MYO1E: variants seen among roughly 807,000 people sequenced by gnomAD.
The protein encoded by MYO1E is myosin IE.
MYO1E carries 68 observed loss-of-function variants against 151.1 expected under a neutral mutation model. The observed-to-expected ratio is 0.45, with a 90% confidence interval of 0.37 to 0.55. The LOEUF (loss-of-function observed/expected upper bound fraction) is 0.55. Among genes scored for constraint, MYO1E ranks in the 20% least tolerant of loss-of-function variants. The pLI, the probability that MYO1E is intolerant of heterozygous loss-of-function variation, is 0.00. For synonymous variants in MYO1E, 601 were observed against 501.7 expected, an observed-to-expected ratio of 1.20 and a Z score of -2.64; for missense variants, 1,363 against 1,389.3, an observed-to-expected ratio of 0.98 and a Z score of 0.30.
chr15:59,315,488 G>A (rs1215067973), intron 1 of MYO1E, among the ~76,000 whole-genome samples: 1 of 151,134 alleles, frequency 6.6e-6, no homozygotes, highest in African/African-American at 2.4e-5. Flanking sequence ...AACCACTATG[G>A]CACACGTTTA....
At chr15:59,149,775 A>T (rs2079465451) in intron 26 of MYO1E, among the ~76,000 whole-genome samples, 3 of 152,240 alleles carry the variant, frequency 2.0e-5, no homozygotes. Context: ...AGAATGTGAA[A>T]GCCAGGAAAG....
chr15:59,148,192 T>A (rs1274912990), intron 26 of MYO1E, among the ~76,000 whole-genome samples: 1 of 152,114 alleles, frequency 6.6e-6, no homozygotes, highest in African/African-American at 2.4e-5. Flanking sequence ...AGTAGAAAGA[T>A]TAAGTGACAA....
At chr15:59,327,937 C>T (rs1025672179) in intron 1 of MYO1E, among the ~76,000 whole-genome samples, 3 of 152,156 alleles carry the variant, frequency 2.0e-5, no homozygotes, top group East Asian at 1.9e-4. Flanking sequence ...GGCAAAGGAA[C>T]GTTTGCCACA....
At chr15:59,211,753 T>C (rs1442145379) in intron 12 of MYO1E, among the ~76,000 whole-genome samples, 1 of 152,210 alleles carries the variant, frequency 6.6e-6, no homozygotes, top group Non-Finnish European at 1.5e-5. Flanking sequence ...GTGATTGCTC[T>C]TTCTTTCTTG....
intron 1 of MYO1E, among the ~76,000 whole-genome samples, chr15:59,298,101 TC>T (rs1567007336): frequency 6.6e-6 from 1 of 152,188 alleles, no homozygotes; most frequent in Non-Finnish European, 1.5e-5. Flanking sequence ...TTTTCCAACT[TC>T]CCCACTGCGT....
intron 7 of MYO1E, among the ~76,000 whole-genome samples, chr15:59,226,271 T>A (rs1448241814): frequency 6.6e-6 from 1 of 152,226 alleles, no homozygotes; most frequent in Admixed American, 6.5e-5. Flanking sequence ...GCCTAAGATG[T>A]GTGTGTAATT....
intron 15 of MYO1E, among the ~76,000 whole-genome samples, chr15:59,204,553 T>A (rs1360528778): frequency 2.6e-5 from 4 of 152,146 alleles, no homozygotes; most frequent in African/African-American, 9.7e-5. Flanking sequence ...GTAAATTACA[T>A]CTTATGTGTT....
chr15:59,312,020 T>G (rs1272097954), intron 1 of MYO1E, among the ~76,000 whole-genome samples: 1 of 152,210 alleles, frequency 6.6e-6, no homozygotes, highest in Non-Finnish European at 1.5e-5. Flanking sequence ...CATTATAAAT[T>G]ACCCAGTCTG....
intron 26 of MYO1E, among the ~76,000 whole-genome samples, chr15:59,153,151 A>C (rs974791625): frequency 2.6e-5 from 4 of 152,232 alleles, no homozygotes. Flanking sequence ...AAAGCCACAA[A>C]GACCCATATT....
At chr15:59,162,659 G>GAAAAAA (rs56116339) in intron 23 of MYO1E, among the ~76,000 whole-genome samples, 2 of 120,910 alleles carry the variant, frequency 1.7e-5, no homozygotes, top group South Asian at 5.7e-4. Flanking sequence ...AAAAAAAAAA[G>GAAAAAA]AAAAAAAAAA....
rs891048280 is a variant in MYO1E at position 59,372,493 on chromosome 15, C to T, written c.3+5G>A. 6 of 1,539,648 alleles carry T rather than the reference C, an allele frequency of 3.9e-6. No individual in the cohort carries two copies. The highest frequency in any genetic ancestry group is 1.4e-5 in the African/African-American group (1 of 72,916). ...GCGTCCTAGGACGCGGCGCGGCCAA[C>T]TCACCATGGTGACTCGCGCCGCGGT... On this transcript the variant is annotated splice_donor_5th_base_variant and intron_variant, in intron 1 of 27. Transcript: ENST00000288235.
At chr15:59,229,436 T>C (rs2080012367) in intron 6 of MYO1E, among the ~76,000 whole-genome samples, 1 of 152,206 alleles carries the variant, frequency 6.6e-6, no homozygotes, top group African/African-American at 2.4e-5. Context: ...ATAATTGTCA[T>C]ATAAAAGTTA....
At chr15:59,235,095 G>A (rs1249736085) in intron 5 of MYO1E, among the ~76,000 whole-genome samples, 1 of 151,816 alleles carries the variant, frequency 6.6e-6, no homozygotes, top group Non-Finnish European at 1.5e-5. Context: ...CACCTCTTGA[G>A]TATCCTCATT....
At chr15:59,231,887 T>A in intron 5 of MYO1E, 96 bp from the exon 6 acceptor site, 2 of 1,339,026 alleles carry the variant, frequency 1.5e-6, no homozygotes, top group Non-Finnish European at 2.1e-6. Context: ...CTGAATGCAT[T>A]AAGGTGAGGG....
intron 1 of MYO1E, among the ~76,000 whole-genome samples, chr15:59,342,908 T>C (rs1250274111): frequency 6.6e-6 from 1 of 152,218 alleles, no homozygotes; most frequent in African/African-American, 2.4e-5. Context: ...ATAAAAACTC[T>C]ATAATTTTGT....
intron 1 of MYO1E, among the ~76,000 whole-genome samples, chr15:59,336,525 C>G (rs1043105063): frequency 1.3e-5 from 2 of 152,092 alleles, no homozygotes; most frequent in Non-Finnish European, 2.9e-5. Flanking sequence ...GAATTTTGGA[C>G]ATGTGTTGGA....
At chr15:59,170,458 C>G (rs1768101855) in intron 22 of MYO1E, among the ~76,000 whole-genome samples, 1 of 152,164 alleles carries the variant, frequency 6.6e-6, no homozygotes. Context: ...TGGGTTTCCA[C>G]GGCAGCCTCA....
intron 26 of MYO1E, among the ~76,000 whole-genome samples, chr15:59,143,824 T>C (rs1379550722): frequency 6.6e-6 from 1 of 152,218 alleles, no homozygotes; most frequent in Non-Finnish European, 1.5e-5. Flanking sequence ...TCCCCTGGCC[T>C]CTGCCCACTT....
chr15:59,179,346 C>T (rs921002806), intron 18 of MYO1E, among the ~76,000 whole-genome samples: 2 of 152,112 alleles, frequency 1.3e-5, no homozygotes, highest in East Asian at 1.9e-4. Context: ...GTTATATTCA[C>T]GGTGGTGTTT....
Sources: allele counts gnomAD v4.1 joint callset (sites outside exome capture counted in the v4.1 genomes callset), GRCh38; gene constraint gnomAD v4.1.1; transcripts MANE v1.5; gene names NCBI Gene and HGNC (gene_info 2026-07-23, HGNC 2026-07-21).